CUX1: variants seen among roughly 807,000 people sequenced by gnomAD.
The protein encoded by CUX1 is protein CASP.
In CUX1, 31 loss-of-function variants were observed where a neutral mutation model predicts 158.8. That is an observed-to-expected ratio of 0.20 (90% CI 0.15 to 0.26). The LOEUF (loss-of-function observed/expected upper bound fraction) is 0.26. Ranked by LOEUF, CUX1 falls within the 10% of genes least tolerant of loss-of-function variation. The pLI, the probability that CUX1 is intolerant of heterozygous loss-of-function variation, is 1.00. For missense variants in CUX1, 1,589 were observed against 2,014.6 expected (o/e 0.79, Z 4.04); for synonymous variants, 879 against 862.1 (o/e 1.02, Z -0.34).
chr7:101,894,442 C>T (rs987620435), intron 1 of CUX1, among the ~76,000 whole-genome samples: 1 of 152,080 alleles, frequency 6.6e-6, no homozygotes, highest in Non-Finnish European at 1.5e-5. Flanking sequence ...TCCCAAGACG[C>T]TGGGATTACA....
chr7:102,132,620 C>T (rs146764843), intron 8 of CUX1, among the ~76,000 whole-genome samples: 162 of 151,286 alleles, frequency 1.1e-3, no homozygotes, highest in African/African-American at 3.9e-3. Flanking sequence ...CAACATTGTA[C>T]ATTCCCAACT....
At chr7:102,135,374 C>T (rs1450416248) in intron 8 of CUX1, among the ~76,000 whole-genome samples, 2 of 152,042 alleles carry the variant, frequency 1.3e-5, no homozygotes, top group Admixed American at 6.6e-5. Context: ...GGTCTTCATC[C>T]CTGTTGTCTT....
intron 2 of CUX1, chr7:101,960,132 G>A (rs1810296756): frequency 6.6e-6 from 1 of 152,126 alleles, no homozygotes; most frequent in Admixed American, 6.5e-5. Context: ...TTGCCCTGAT[G>A]TTTCTTTCAA....
At chr7:102,067,764 G>C (rs1275668903) in intron 3 of CUX1, among the ~76,000 whole-genome samples, 3 of 151,776 alleles carry the variant, frequency 2.0e-5, no homozygotes, top group African/African-American at 7.3e-5. Flanking sequence ...TGTAGGCAAG[G>C]CATGGTGGCT....
intron 1 of CUX1, among the ~76,000 whole-genome samples, chr7:101,841,102 G>C (rs901844604): frequency 2.8e-4 from 43 of 151,856 alleles, no homozygotes; most frequent in African/African-American, 8.7e-4. Flanking sequence ...ACCGTGTTAG[G>C]CAGGATGGTC....
intron 14 of CUX1, among the ~76,000 whole-genome samples, chr7:102,268,099 G>A (rs1051301131): frequency 3.3e-5 from 5 of 152,038 alleles, no homozygotes; most frequent in Non-Finnish European, 7.4e-5. Context: ...GGACCGTCTT[G>A]GGCCCTTGCA....
intron 1 of CUX1, chr7:101,913,257 A>G (rs867375357): frequency 1.2e-5 from 8 of 659,652 alleles, no homozygotes; most frequent in Admixed American, 2.9e-5. Context: ...CGCTGTGCCA[A>G]TCTGTTTCTG....
At chr7:102,010,620 T>C (rs1817889543) in intron 2 of CUX1, among the ~76,000 whole-genome samples, 1 of 152,136 alleles carries the variant, frequency 6.6e-6, no homozygotes, top group Non-Finnish European at 1.5e-5. Context: ...TATGTGTGTG[T>C]GCGTATTTAA....
At chr7:101,990,294 C>A (rs1280666455) in intron 2 of CUX1, among the ~76,000 whole-genome samples, 1 of 152,116 alleles carries the variant, frequency 6.6e-6, no homozygotes, top group African/African-American at 2.4e-5. Context: ...CCCTGGAGTT[C>A]AAGGCAGTAG....
chr7:102,254,454 C>T lies in CUX1; in HGVS notation c.*5412C>T. The T allele has an allele frequency of 3.0e-6, 3 of 985,526 alleles. No homozygotes were observed. The highest frequency in any genetic ancestry group is 3.6e-6 in the Non-Finnish European group (3 of 829,986). The allele number at this position is 985,526 out of a possible 1,614,324, so 61.0% of individuals were successfully genotyped here. A position where few individuals can be genotyped will look rare whatever the true frequency, so the allele number is the denominator to read the frequency against. On this transcript the variant is annotated 3_prime_UTR_variant, in exon 24 of 24. Transcript: ENST00000292535. ...TCCTCCAGCCTACACGCCCCGTCCA[C>T]AGTGGCATCACCCTCTTATCCCAAA... is the stretch of plus-strand genomic sequence containing the variant.
chr7:101,870,159 T>G (rs868399009), intron 1 of CUX1, among the ~76,000 whole-genome samples: 3,506 of 148,212 alleles, frequency 0.024, 83 homozygotes, highest in Non-Finnish European at 0.035. Context: ...TTTTGTTTTT[T>G]TTTTTTTTTT....
intron 2 of CUX1, among the ~76,000 whole-genome samples, chr7:101,958,965 C>G (rs1046853587): frequency 6.6e-6 from 1 of 150,654 alleles, no homozygotes; most frequent in Non-Finnish European, 1.5e-5. Flanking sequence ...AGCAATCCTC[C>G]CACCTCAGCC....
At chr7:101,943,163 G>A (rs1393621824) in intron 2 of CUX1, among the ~76,000 whole-genome samples, 2 of 144,926 alleles carry the variant, frequency 1.4e-5, no homozygotes, top group Non-Finnish European at 3.0e-5. Context: ...CTGGAGTGCT[G>A]TGGTGCAATC....
chr7:102,248,338 C>G lies in CUX1; in HGVS notation c.3888-74C>G. 2.2e-6 allele frequency: 3 copies of G among 1,376,550 alleles called. No homozygotes were observed. The highest frequency in any genetic ancestry group is 3.6e-4 in the Middle Eastern group (2 of 5,496). 85.3% of individuals were successfully genotyped at this position (1,376,550 alleles called of 1,614,324 possible). A position where few individuals can be genotyped will look rare whatever the true frequency, so the allele number is the denominator to read the frequency against. On this transcript the variant is annotated intron_variant, in intron 23 of 23. Transcript: ENST00000292535. This position sits in a 1 kb window ranked among gnomAD's most constrained non-coding sequence, Gnocchi z 5.8. ...GAGCAGGAGCCCCAGAGAGAGGGGT[C>G]TGGCTGGGGTAGCACCAGAGGCCCT...
At chr7:102,063,090 C>T (rs539337224) in intron 3 of CUX1, among the ~76,000 whole-genome samples, 190 of 150,772 alleles carry the variant, frequency 1.3e-3, no homozygotes, top group African/African-American at 4.3e-3. Context: ...GGTGACAGAG[C>T]GAGATTCCGT....
intron 3 of CUX1, among the ~76,000 whole-genome samples, chr7:102,068,039 A>G (rs569254230): frequency 3.2e-4 from 49 of 151,656 alleles, no homozygotes; most frequent in Non-Finnish European, 5.3e-4. Flanking sequence ...GTCCTTGCAT[A>G]TTGTTCTGAG....
chr7:102,160,177 TA>T (rs35453197), intron 9 of CUX1, among the ~76,000 whole-genome samples: 13,814 of 136,562 alleles, frequency 0.1, 825 homozygotes, highest in African/African-American at 0.18. Context: ...AGAATCTGTC[TA>T]AAAAAAAAAA....
At chr7:102,017,059 T>G (rs1309832078) in intron 2 of CUX1, among the ~76,000 whole-genome samples, 1 of 152,106 alleles carries the variant, frequency 6.6e-6, no homozygotes, top group East Asian at 1.9e-4. Context: ...ATCCCATCAC[T>G]TTGGGAGGCC....
At chr7:102,015,288 C>T (rs7357265) in intron 2 of CUX1, among the ~76,000 whole-genome samples, 58,365 of 151,436 alleles carry the variant, frequency 0.39, 12,073 homozygotes, top group Non-Finnish European at 0.46. Context: ...AGTGCAGTGG[C>T]GTGATCTCGG....
Sources: gnomAD v4.1 joint callset for allele counts (sites outside exome capture counted in the v4.1 genomes callset) on GRCh38, gnomAD v4.1.1 for gene constraint, Gnocchi (gnomAD v3.1) non-coding constraint, MANE v1.5 for transcripts, NCBI Gene and HGNC (gene_info 2026-07-23, HGNC 2026-07-21) for gene names.